DGLUCY: variants seen among roughly 807,000 people sequenced by gnomAD.
The protein encoded by DGLUCY is D-glutamate cyclase.
A neutral mutation model predicts 58.5 loss-of-function variants in DGLUCY; 58 were observed. That is an observed-to-expected ratio of 0.99 (90% confidence interval 0.80 to 1.23). The LOEUF is 1.23. Among genes scored for constraint, DGLUCY ranks in the 50% most tolerant of loss-of-function variants. The probability of loss-of-function intolerance (pLI) is 0.00; values close to 1 mark genes in which losing one functional copy is unlikely to be tolerated. For synonymous variants in DGLUCY, 325 were observed against 314.1 expected (o/e 1.03, Z -0.37); for missense variants, 779 against 784.7 (o/e 0.99, Z 0.09).
rs141250924 is a variant in DGLUCY, at chr14:91,089,373, G to T, written c.-82+28669G>T. Among the ~76,000 whole-genome samples, 1,378 of 152,348 alleles carry T rather than the reference G, an allele frequency of 9.0e-3. 16 individuals carry two copies. Among genetic ancestry groups the T allele is most frequent in the Middle Eastern group, 0.044 (13 of 294 alleles). On this transcript the variant is annotated intron_variant, in intron 1 of 4. Transcript: ENST00000521334. ...AGGAGAGACGGTGAGGGACCCCTCA[G>T]GGGAGTCTCTGGTTCTCATCATGTC...
At chr14:91,105,053 G>A (rs1028859466), upstream of DGLUCY, among the ~76,000 whole-genome samples, 4 of 152,094 alleles carry the variant, frequency 2.6e-5, no homozygotes, top group Admixed American at 6.6e-5. Flanking sequence ...TGTAGCTCAC[G>A]CCTATAATCC....
At chr14:91,067,623 A>G (rs1017841847) in intron 1 of DGLUCY, among the ~76,000 whole-genome samples, 3 of 151,302 alleles carry the variant, frequency 2.0e-5, no homozygotes, top group African/African-American at 7.3e-5. Context: ...ATCTCGGCTC[A>G]CTGCAACTTC....
intron 7 of DGLUCY, among the ~76,000 whole-genome samples, chr14:91,177,379 T>C (rs1263961937): frequency 6.6e-6 from 1 of 152,222 alleles, no homozygotes; most frequent in Non-Finnish European, 1.5e-5. Context: ...GCTTGGCTTT[T>C]TGAGACATTT....
chr14:91,130,548 C>T (rs1205965286), intron 1 of DGLUCY, among the ~76,000 whole-genome samples: 2 of 152,028 alleles, frequency 1.3e-5, no homozygotes, highest in South Asian at 2.1e-4. Context: ...CCTTGTGATC[C>T]GCCCTCCTTG....
chr14:91,068,079 G>GCGCGCGCACACACACA (rs375738080), intron 1 of DGLUCY, among the ~76,000 whole-genome samples: 1 of 146,342 alleles, frequency 6.8e-6, no homozygotes, highest in South Asian at 2.2e-4. Flanking sequence ...ACACGCGCAC[G>GCGCGCGCACACACACA]CACACACACA....
At chr14:91,112,996 TAAAAAAA>T (rs10715930), upstream of DGLUCY, among the ~76,000 whole-genome samples, 1 of 70,190 alleles carries the variant, frequency 1.4e-5, no homozygotes, top group Non-Finnish European at 2.7e-5. Flanking sequence ...AGACTACATC[TAAAAAAA>T]AAAAAAAAAA....
At chr14:91,162,111 C>T (rs2048028353) in intron 3 of DGLUCY, among the ~76,000 whole-genome samples, 1 of 152,110 alleles carries the variant, frequency 6.6e-6, no homozygotes, top group Non-Finnish European at 1.5e-5. Flanking sequence ...AAAGTAGCAG[C>T]AGAACCTTCC....
rs957493541 is a variant in DGLUCY at position 91,224,962 on chromosome 14, G to A, written c.*129G>A. The A allele has an allele frequency of 2.6e-6, 3 of 1,143,264 alleles. No homozygotes were observed. The highest frequency in any genetic ancestry group is 3.5e-6 in the Non-Finnish European group (3 of 850,164). 70.8% of individuals were successfully genotyped at this position (1,143,264 alleles called of 1,614,324 possible). ...TCGGTGAGCAACGAACACTCGCCTG[G>A]CCTGGGAAACTGCATGCCCACTTTC... On this transcript the variant is annotated 3_prime_UTR_variant, in exon 14 of 14. Transcript: ENST00000256324.
intron 1 of DGLUCY, among the ~76,000 whole-genome samples, chr14:91,157,283 G>A (rs113563887): frequency 0.058 from 3,953 of 68,418 alleles, 84 homozygotes; most frequent in Middle Eastern, 0.1. Context: ...GGATGGATGG[G>A]TGGGTGGATA....
At chr14:91,149,656 C>T (rs1029657905) in intron 1 of DGLUCY, among the ~76,000 whole-genome samples, 3 of 152,202 alleles carry the variant, frequency 2.0e-5, no homozygotes, top group Non-Finnish European at 2.9e-5. Context: ...CTGATGGACC[C>T]GTTGCAGAAA....
At chr14:91,116,821 G>A (rs976507945) in intron 1 of DGLUCY, among the ~76,000 whole-genome samples, 1 of 152,000 alleles carries the variant, frequency 6.6e-6, no homozygotes, top group Non-Finnish European at 1.5e-5. Flanking sequence ...GTATGCACCT[G>A]TAATCCCAGC....
At position 91,074,116 on chromosome 14, in the gene DGLUCY, T is replaced by TACACACACACACACAC. The variant is rs1280375718; in HGVS notation, c.-82+13413_-82+13414insCACACACACACACACA. ...ACCAAAAAAAAAAAATATATATATATATACACACACACACACACACACACA... is the reference window on the plus strand; with the variant it reads ...ACCAAAAAAAAAAAATATATATATATACACACACACACACACATACACACACACACACACACACACA... On this transcript the variant is annotated intron_variant, in intron 1 of 4. Coordinates refer to the DGLUCY transcript ENST00000521334. Among the ~76,000 whole-genome samples the TACACACACACACACAC allele has an allele frequency of 7.1e-3, 551 of 77,426 alleles. 9 individuals carry two copies. The highest frequency in any genetic ancestry group is 9.4e-3 in the Non-Finnish European group (397 of 42,036). The allele number at this position is 77,426 out of a possible 152,430, so 50.8% of individuals were successfully genotyped here.
At chr14:91,120,568 C>T (rs898633248) in intron 1 of DGLUCY, among the ~76,000 whole-genome samples, 11 of 152,054 alleles carry the variant, frequency 7.2e-5, no homozygotes. Flanking sequence ...CCCACCACCG[C>T]GCCTGGCTAA....
At chr14:91,080,986 T>C (rs557254535) in intron 1 of DGLUCY, among the ~76,000 whole-genome samples, 5 of 152,264 alleles carry the variant, frequency 3.3e-5, no homozygotes, top group Admixed American at 3.3e-4. Context: ...GGTGGTCACC[T>C]GAGGTCAGGA....
At chr14:91,139,883 A>G (rs1297417546) in intron 1 of DGLUCY, among the ~76,000 whole-genome samples, 3 of 152,212 alleles carry the variant, frequency 2.0e-5, no homozygotes, top group Non-Finnish European at 2.9e-5. Flanking sequence ...TGAGGACTTC[A>G]GGATTTAAAA....
At chr14:91,223,657 T>C (rs563446823) in intron 13 of DGLUCY, 3 of 253,192 alleles carry the variant, frequency 1.2e-5, no homozygotes, top group Non-Finnish European at 1.9e-5. Flanking sequence ...ATCAAACCAC[T>C]TTTTTTTTTT....
At chr14:91,119,014 A>G (rs1046609072) in intron 1 of DGLUCY, among the ~76,000 whole-genome samples, 16 of 152,178 alleles carry the variant, frequency 1.1e-4, no homozygotes, top group African/African-American at 3.9e-4. Context: ...AATTATTATT[A>G]TCTGTGCCTT....
At chr14:91,217,405 A>G (rs541791031) in intron 13 of DGLUCY, among the ~76,000 whole-genome samples, 40 of 151,962 alleles carry the variant, frequency 2.6e-4, no homozygotes, top group Admixed American at 2.4e-3. Context: ...TGGTCGCTAC[A>G]AGTCCCCTGC....
At chr14:91,064,162 G>A (rs2043779386) in intron 1 of DGLUCY, among the ~76,000 whole-genome samples, 1 of 152,174 alleles carries the variant, frequency 6.6e-6, no homozygotes, top group African/African-American at 2.4e-5. Flanking sequence ...ATTAAAGGAA[G>A]AGCACATATG....
Sources: allele counts gnomAD v4.1 joint callset (sites outside exome capture counted in the v4.1 genomes callset), GRCh38; gene constraint gnomAD v4.1.1; transcripts MANE v1.5; gene names NCBI Gene and HGNC (gene_info 2026-07-23, HGNC 2026-07-21).